PARN: variants seen among roughly 807,000 people sequenced by gnomAD.
PARN encodes the protein poly(A)-specific ribonuclease PARN.
Under a neutral mutation model 102.8 loss-of-function variants are expected in PARN, and 71 were observed. The ratio of observed to expected loss-of-function variants is 0.69; its 90% CI spans 0.57 to 0.84. The LOEUF (loss-of-function observed/expected upper bound fraction) is 0.84. PARN is among the 40% of genes least tolerant of loss of function. The pLI, the probability that PARN is intolerant of heterozygous loss-of-function variation, is 0.00. For synonymous variants in PARN, 261 were observed against 252.9 expected, an observed-to-expected ratio of 1.03 and a Z score of -0.30; for missense variants, 782 against 760.9, an observed-to-expected ratio of 1.03 and a Z score of -0.33.
chr16:14,467,916 C>T (rs1346268436), intron 22 of PARN, among the ~76,000 whole-genome samples: 1 of 152,216 alleles, frequency 6.6e-6, no homozygotes, highest in Admixed American at 6.5e-5. Flanking sequence ...GGTACAGGAT[C>T]TCCTGCTCAT....
chr16:14,528,565 T>C (rs1169130516), intron 21 of PARN, among the ~76,000 whole-genome samples: 2 of 152,206 alleles, frequency 1.3e-5, no homozygotes, highest in Admixed American at 6.5e-5. Flanking sequence ...ATACATCTTT[T>C]TTACAAACTT....
At chr16:14,458,286 G>C (rs1596449428) in intron 22 of PARN, among the ~76,000 whole-genome samples, 1 of 152,164 alleles carries the variant, frequency 6.6e-6, no homozygotes, top group Middle Eastern at 3.4e-3. Context: ...ATTTACTTTT[G>C]TACTAAAATT....
intron 22 of PARN, among the ~76,000 whole-genome samples, chr16:14,479,920 C>CAAAA (rs58833234): frequency 9.7e-6 from 1 of 102,884 alleles, no homozygotes; most frequent in Non-Finnish European, 2.2e-5. Flanking sequence ...AACCTTCTAC[C>CAAAA]AAAAAAAAAA....
At chr16:14,471,160 T>G (rs1191460263) in intron 22 of PARN, among the ~76,000 whole-genome samples, 1 of 152,198 alleles carries the variant, frequency 6.6e-6, no homozygotes, top group East Asian at 1.9e-4. Flanking sequence ...GAGTTGACAC[T>G]TCACACTCTC....
chr16:14,610,840 C>A, intron 6 of PARN, 31 bp from the exon 7 acceptor site: 4 of 1,455,008 alleles, frequency 2.7e-6, no homozygotes, highest in Non-Finnish European at 3.9e-6. Context: ...AATGCATTAG[C>A]AGAAGTAACT....
At chr16:14,463,849 GGAC>G (rs1396582811) in intron 22 of PARN, among the ~76,000 whole-genome samples, 12 of 137,180 alleles carry the variant, frequency 8.7e-5, no homozygotes, top group African/African-American at 2.2e-4. Context: ...GGGGGGGGGG[GGAC>G]GACAAGGTCT....
intron 13 of PARN, among the ~76,000 whole-genome samples, chr16:14,589,687 G>A (rs767812010): frequency 4.6e-5 from 7 of 152,078 alleles, no homozygotes; most frequent in South Asian, 2.1e-4. Context: ...CCAACATGGC[G>A]AAATCCCGTC....
At chr16:14,518,679 T>C (rs1438959720) in intron 21 of PARN, among the ~76,000 whole-genome samples, 1 of 152,110 alleles carries the variant, frequency 6.6e-6, no homozygotes, top group Non-Finnish European at 1.5e-5. Flanking sequence ...TACTTTTAAA[T>C]AGTTACTCAT....
chr16:14,539,854 A>G (rs1045213622), intron 21 of PARN, among the ~76,000 whole-genome samples: 2 of 152,202 alleles, frequency 1.3e-5, no homozygotes. Flanking sequence ...ATTTGGGGGA[A>G]AAAATTGCGT....
intron 22 of PARN, among the ~76,000 whole-genome samples, chr16:14,453,457 A>T (rs1295338177): frequency 6.6e-6 from 1 of 152,212 alleles, no homozygotes; most frequent in Non-Finnish European, 1.5e-5. Context: ...TTAGGGTATT[A>T]TTTACATGCA....
intron 12 of PARN, among the ~76,000 whole-genome samples, chr16:14,594,295 T>A (rs1970377926): frequency 6.6e-6 from 1 of 152,206 alleles, no homozygotes; most frequent in Non-Finnish European, 1.5e-5. Flanking sequence ...GCCCTCTTCG[T>A]GCAATGGGCG....
rs550130920 is a variant in PARN, at chr16:14,484,592, C to T, written c.1481-1765G>A. On this transcript the variant is annotated intron_variant, in intron 21 of 23. Coordinates refer to ENST00000437198, the MANE Select transcript of PARN (RefSeq NM_002582.4). ...GCAGAGCAGAATGCAGTGCTGGTGA[C>T]GAGCATGCAGGCTGTGGGCACGTCG... Among the ~76,000 whole-genome samples, 31 of 152,256 alleles carry T rather than the reference C, an allele frequency of 2.0e-4. No homozygotes were observed. The South Asian group carries it at 2.5e-3, about 12-fold the overall frequency.
At chr16:14,624,023 T>C (rs1271217822) in intron 5 of PARN, among the ~76,000 whole-genome samples, 1 of 152,224 alleles carries the variant, frequency 6.6e-6, no homozygotes, top group African/African-American at 2.4e-5. Context: ...CTATGCTGAC[T>C]GCCCTACTAT....
At chr16:14,495,320 C>T (rs867380368) in intron 21 of PARN, among the ~76,000 whole-genome samples, 7 of 151,756 alleles carry the variant, frequency 4.6e-5, no homozygotes, top group Middle Eastern at 3.2e-3. Context: ...CCTCAATGTC[C>T]ACTAAAAAAA....
rs180946244 is a variant in PARN, at chr16:14,527,789, T to G, written c.1480+24232A>C. Among the ~76,000 whole-genome samples the G allele has an allele frequency of 1.4e-3, 207 of 152,292 alleles. 1 individual carries two copies. Among genetic ancestry groups the G allele is most frequent in the African/African-American group, 4.1e-3 (169 of 41,558 alleles). On this transcript the variant is annotated intron_variant, in intron 21 of 23. Transcript: ENST00000437198. ...TGGGTATCCCTCTAACACTATGCTT[T>G]GGGGTCATTTTCAACAGCAAAATCA...
At chr16:14,626,320 A>G (rs1374988639) in intron 5 of PARN, among the ~76,000 whole-genome samples, 1 of 152,126 alleles carries the variant, frequency 6.6e-6, no homozygotes, top group African/African-American at 2.4e-5. Context: ...TTTAATTTTT[A>G]TTTTAAAATA....
chr16:14,528,621 G>C (rs1047433888), intron 21 of PARN, among the ~76,000 whole-genome samples: 9 of 152,048 alleles, frequency 5.9e-5, no homozygotes, highest in East Asian at 1.9e-4. Flanking sequence ...AGACTGATGT[G>C]GGGGGGAAAG....
chr16:14,493,084 A>T (rs1011151932), intron 21 of PARN, among the ~76,000 whole-genome samples: 2 of 152,230 alleles, frequency 1.3e-5, no homozygotes, highest in Non-Finnish European at 2.9e-5. Context: ...ACAACAATAA[A>T]AAAAAAGAAA....
chr16:14,517,841 G>A (rs1461683734), intron 21 of PARN, among the ~76,000 whole-genome samples: 1 of 151,998 alleles, frequency 6.6e-6, no homozygotes, highest in African/African-American at 2.4e-5. Flanking sequence ...ACCACACCCA[G>A]CTAATTTTTT....
Sources: allele counts gnomAD v4.1 joint callset (sites outside exome capture counted in the v4.1 genomes callset), GRCh38; gene constraint gnomAD v4.1.1; transcripts MANE v1.5; gene names NCBI Gene and HGNC (gene_info 2026-07-23, HGNC 2026-07-21).